The following DIP2C variants were observed in gnomAD, a reference collection of about 807,000 sequenced individuals.
DIP2C encodes the protein DIP2 acetate--CoA ligase C (putative).
A neutral mutation model predicts 192.4 loss-of-function variants in DIP2C; 33 were observed. That is an observed-to-expected ratio of 0.17 (90% CI 0.13 to 0.23). The LOEUF (loss-of-function observed/expected upper bound fraction) is 0.23, where lower values mean the gene tolerates loss of function less well. Ranked by LOEUF, DIP2C falls within the 10% of genes least tolerant of loss-of-function variation. The pLI, the probability that DIP2C is intolerant of heterozygous loss-of-function variation, is 1.00. For missense variants in DIP2C, 1,537 were observed against 2,110.1 expected (o/e 0.73, Z 5.32); for synonymous variants, 979 against 864.1 (o/e 1.13, Z -2.33).
At chr10:343,531 A>G (rs561410018) in intron 28 of DIP2C, among the ~76,000 whole-genome samples, 129 of 152,358 alleles carry the variant, frequency 8.5e-4, no homozygotes, top group African/African-American at 2.9e-3. Flanking sequence ...TACTATATTC[A>G]TACAGGGGAA....
intron 1 of DIP2C, among the ~76,000 whole-genome samples, chr10:619,951 G>A (rs771589327): frequency 6.6e-6 from 1 of 152,180 alleles, no homozygotes; most frequent in Non-Finnish European, 1.5e-5. Context: ...AGTGCACGGG[G>A]TGGCCACCCC....
At chr10:397,187 G>A (rs898144992) in intron 10 of DIP2C, among the ~76,000 whole-genome samples, 1 of 152,158 alleles carries the variant, frequency 6.6e-6, no homozygotes, top group African/African-American at 2.4e-5. Context: ...ACCTGTGATT[G>A]TTGCCTTTTA....
intron 7 of DIP2C, among the ~76,000 whole-genome samples, chr10:414,729 G>GTATATATATATA (rs1373768409): frequency 2.9e-5 from 2 of 69,256 alleles, no homozygotes; most frequent in Non-Finnish European, 5.7e-5. Context: ...GTGTGTGTGT[G>GTATATATATATA]TGTGTGTGTG....
At chr10:624,496 G>C (rs1037506861) in intron 1 of DIP2C, among the ~76,000 whole-genome samples, 1 of 152,180 alleles carries the variant, frequency 6.6e-6, no homozygotes, top group Non-Finnish European at 1.5e-5. Context: ...ACCAGAACAC[G>C]GCTCTTTAAG....
At chr10:453,697 T>C (rs1399739858) in intron 3 of DIP2C, among the ~76,000 whole-genome samples, 1 of 152,112 alleles carries the variant, frequency 6.6e-6, no homozygotes. Flanking sequence ...AGCAGATGCA[T>C]AAATACTGAA....
At chr10:532,756 TGTGA>T (rs1360001022) in intron 1 of DIP2C, among the ~76,000 whole-genome samples, 1 of 134,596 alleles carries the variant, frequency 7.4e-6, no homozygotes, top group Non-Finnish European at 1.7e-5. Context: ...AGTATGGGTG[TGTGA>T]GAGAGTATGG....
intron 3 of DIP2C, 61 bp from the exon 4 acceptor site, chr10:441,057 C>CCCT (rs1564715878): frequency 5.1e-6 from 8 of 1,556,112 alleles, no homozygotes. Context: ...CCAAGCTGCA[C>CCCT]CCTCCTCTCT....
intron 17 of DIP2C, among the ~76,000 whole-genome samples, chr10:376,200 T>G (rs1482622680): frequency 1.3e-5 from 2 of 152,114 alleles, no homozygotes; most frequent in Non-Finnish European, 2.9e-5. Flanking sequence ...CCTGCCCACA[T>G]GACAAAGCAG....
At chr10:303,117 T>TA in intron 32 of DIP2C, among the ~76,000 whole-genome samples, 1 of 152,186 alleles carries the variant, frequency 6.6e-6, no homozygotes, top group Non-Finnish European at 1.5e-5. Context: ...GTAGACTTCA[T>TA]AAACACTGTA....
chr10:568,740 T>C (rs1276290524), intron 1 of DIP2C, among the ~76,000 whole-genome samples: 1 of 112,170 alleles, frequency 8.9e-6, no homozygotes, highest in Non-Finnish European at 1.6e-5. Context: ...CGCTCCAGCC[T>C]GGGCGACAGA....
chr10:529,829 G>C (rs1433713311), intron 1 of DIP2C, among the ~76,000 whole-genome samples: 1 of 152,200 alleles, frequency 6.6e-6, no homozygotes, highest in African/African-American at 2.4e-5. Flanking sequence ...ACCCAGGCCG[G>C]AGTGCAGTAT....
chr10:515,105 A>G (rs1846264729), intron 1 of DIP2C, among the ~76,000 whole-genome samples: 1 of 152,228 alleles, frequency 6.6e-6, no homozygotes, highest in Non-Finnish European at 1.5e-5. Context: ...TATAAACGTT[A>G]ATTACATAAC....
At chr10:374,853 T>C (rs932456416) in intron 17 of DIP2C, among the ~76,000 whole-genome samples, 1 of 152,200 alleles carries the variant, frequency 6.6e-6, no homozygotes, top group Non-Finnish European at 1.5e-5. Flanking sequence ...TAATAATCAA[T>C]ATCAGTACAT....
chr10:440,377 T>C (rs1230567469), intron 4 of DIP2C, among the ~76,000 whole-genome samples: 1 of 152,234 alleles, frequency 6.6e-6, no homozygotes, highest in Non-Finnish European at 1.5e-5. Context: ...ACAGACCTTA[T>C]GGCCTGCAGG....
At chr10:475,313 T>C (rs1970973351) in intron 2 of DIP2C, among the ~76,000 whole-genome samples, 2 of 152,234 alleles carry the variant, frequency 1.3e-5, no homozygotes, top group Non-Finnish European at 2.9e-5. Context: ...CTAACTTCTC[T>C]TGTGCTGTGG....
At chr10:672,117 G>A (rs1830679175) in intron 1 of DIP2C, among the ~76,000 whole-genome samples, 1 of 150,238 alleles carries the variant, frequency 6.7e-6, no homozygotes, top group Non-Finnish European at 1.5e-5. Context: ...ACGCACGGAG[G>A]GAGGAAACGT....
At chr10:526,754 G>C (rs946996280) in intron 1 of DIP2C, among the ~76,000 whole-genome samples, 5 of 152,148 alleles carry the variant, frequency 3.3e-5, no homozygotes, top group African/African-American at 1.2e-4. Flanking sequence ...ATGTCTAAGA[G>C]CAAACTGGCA....
chr10:615,659 C>T (rs1391249918), intron 1 of DIP2C, among the ~76,000 whole-genome samples: 2 of 152,068 alleles, frequency 1.3e-5, no homozygotes, highest in Non-Finnish European at 2.9e-5. Context: ...GTTTGCTTAG[C>T]CTCTTCACCA....
chr10:519,181 G>A (rs1007787721), intron 1 of DIP2C, among the ~76,000 whole-genome samples: 2 of 152,190 alleles, frequency 1.3e-5, no homozygotes, highest in African/African-American at 4.8e-5. Context: ...TGGCACCAAC[G>A]ATCTCCTGGC....
Sources: allele counts gnomAD v4.1 joint callset (sites outside exome capture counted in the v4.1 genomes callset), GRCh38; gene constraint gnomAD v4.1.1; transcripts MANE v1.5; gene names NCBI Gene and HGNC (gene_info 2026-07-23, HGNC 2026-07-21).